Variants in RPTOR observed in about 807,000 individuals in gnomAD.
The protein encoded by RPTOR is regulatory-associated protein of mTOR.
RPTOR carries 21 observed loss-of-function variants against 169.9 expected under a neutral mutation model. The observed-to-expected ratio is 0.12, with a 90% CI of 0.09 to 0.18. RPTOR has a LOEUF of 0.18. RPTOR is among the 10% of genes least tolerant of loss of function. The pLI is 1.00. For missense variants in RPTOR, 1,133 were observed against 1,855.9 expected, an observed-to-expected ratio of 0.61 and a Z score of 7.16; for synonymous variants, 732 against 753.2, an observed-to-expected ratio of 0.97 and a Z score of 0.46.
chr17:80,863,235 G>A (rs1329365124), intron 13 of RPTOR, among the ~76,000 whole-genome samples: 1 of 152,156 alleles, frequency 6.6e-6, no homozygotes, highest in Non-Finnish European at 1.5e-5. Flanking sequence ...GCACCAAGGG[G>A]GGCACATGAA....
chr17:80,668,153 G>T (rs544511642), intron 3 of RPTOR, among the ~76,000 whole-genome samples: 4 of 152,296 alleles, frequency 2.6e-5, no homozygotes, highest in South Asian at 4.1e-4. Context: ...GCAGGCCTGA[G>T]GGGTAGCGGA....
intron 3 of RPTOR, among the ~76,000 whole-genome samples, chr17:80,648,908 T>C (rs535278071): frequency 1.2e-4 from 18 of 152,286 alleles, no homozygotes; most frequent in Non-Finnish European, 2.2e-4. Flanking sequence ...GCACGAGCTC[T>C]CTCTTGCCTG....
At chr17:80,706,261 T>C (rs1207175582) in intron 3 of RPTOR, among the ~76,000 whole-genome samples, 1 of 152,138 alleles carries the variant, frequency 6.6e-6, no homozygotes, top group Non-Finnish European at 1.5e-5. Context: ...ACACCCGTTG[T>C]TCCCCTCCCC....
intron 4 of RPTOR, among the ~76,000 whole-genome samples, chr17:80,714,359 AT>A (rs2066222353): frequency 1.3e-5 from 2 of 152,216 alleles, no homozygotes; most frequent in African/African-American, 2.4e-5. Context: ...CCCCGACTTA[AT>A]TAACATTTAT....
At chr17:80,616,238 T>C (rs2065308557) in intron 1 of RPTOR, among the ~76,000 whole-genome samples, 1 of 151,914 alleles carries the variant, frequency 6.6e-6, no homozygotes, top group Admixed American at 6.6e-5. Flanking sequence ...TGGCCCAGTG[T>C]GTTATCAAAT....
intron 20 of RPTOR, among the ~76,000 whole-genome samples, chr17:80,903,633 C>T (rs1044976814): frequency 1.3e-5 from 2 of 152,222 alleles, no homozygotes; most frequent in East Asian, 3.9e-4. Context: ...ATCCTCCCAC[C>T]TCACCTTCTT....
intron 11 of RPTOR, among the ~76,000 whole-genome samples, chr17:80,848,318 A>G (rs1384522662): frequency 6.6e-6 from 1 of 152,234 alleles, no homozygotes; most frequent in Non-Finnish European, 1.5e-5. Flanking sequence ...TTCACAGTAT[A>G]TATTTCTGCT....
At chr17:80,737,323 G>A (rs1376290167) in intron 5 of RPTOR, among the ~76,000 whole-genome samples, 5 of 152,284 alleles carry the variant, frequency 3.3e-5, no homozygotes, top group East Asian at 1.9e-4. Flanking sequence ...CCCCCATGCC[G>A]AGGTCTTTAT....
chr17:80,883,631 G>A, intron 15 of RPTOR, 147 bp downstream of exon 15: 1 of 1,185,300 alleles, frequency 8.4e-7, no homozygotes. Flanking sequence ...TTTGCAGGCT[G>A]AATATGAATC....
intron 5 of RPTOR, among the ~76,000 whole-genome samples, chr17:80,744,235 CCCTGGTTACTAGCACTGT>C (rs1567888371): frequency 3.1e-5 from 2 of 65,104 alleles, no homozygotes; most frequent in Admixed American, 1.9e-4. Flanking sequence ...ACTAGCACAG[CCCTGGTTACTAGCACTGT>C]CCTGGCTACT....
In RPTOR at chr17:80,601,555, C is replaced by T. The variant is rs11150868; in HGVS notation, c.163-24136C>T. ...CTGCTGTTGGTGAAGATGGTTCAGT[C>T]TTTTTTTTTTTTTTTTTAAATTTAT... On this transcript the variant is annotated intron_variant, in intron 1 of 33. Transcript: ENST00000306801. 6.3e-3 allele frequency among the ~76,000 whole-genome samples: 113 copies of T among 17,970 alleles called. 5 individuals carry two copies. Among genetic ancestry groups the T allele is most frequent in the Middle Eastern group, 0.038 (1 of 26 alleles). 11.8% of individuals were successfully genotyped at this position (17,970 alleles called of 152,430 possible). A position where few individuals can be genotyped will look rare whatever the true frequency, so the allele number is the denominator to read the frequency against.
rs994756455 is a variant in RPTOR, at chr17:80,803,249, G to C, written c.890+11740G>C. The C allele has an allele frequency of 6.6e-6, 1 of 152,276 alleles. No homozygotes were observed. The highest frequency in any genetic ancestry group is 1.5e-5 in the Non-Finnish European group (1 of 68,070). The allele number at this position is 152,276 out of a possible 1,614,324, so 9.4% of individuals were successfully genotyped here. A position where few individuals can be genotyped will look rare whatever the true frequency, so the allele number is the denominator to read the frequency against. On this transcript the variant is annotated intron_variant, in intron 7 of 33. Transcript: ENST00000306801. This position sits in a 1 kb window ranked among gnomAD's most constrained non-coding sequence, Gnocchi z 6.2. ...CCGGTGCTCATCACAGCCACCCGGCGAGCAGCCTCTGAGGCCATCTCCATT... is the reference window on the plus strand; with the variant it reads ...CCGGTGCTCATCACAGCCACCCGGCCAGCAGCCTCTGAGGCCATCTCCATT...
intron 1 of RPTOR, among the ~76,000 whole-genome samples, chr17:80,616,298 C>CTTTTTTTTTTTTTTTTTTTTTTTTTTT (rs201229448): frequency 8.8e-6 from 1 of 113,272 alleles, no homozygotes; most frequent in Non-Finnish European, 1.7e-5. Flanking sequence ...AATTGAAAAT[C>CTTTTTTTTTTTTTTTTTTTTTTTTTTT]TTTTTTTTTT....
In RPTOR at chr17:80,707,724, C is replaced by A; in HGVS notation, c.349-117C>A. On this transcript the variant is annotated intron_variant, in intron 3 of 33. Coordinates refer to ENST00000306801, the MANE Select transcript of RPTOR (RefSeq NM_020761.3). The surrounding 1 kb of genome is among the most constrained non-coding windows in gnomAD (Gnocchi z 5.0). ...GTTTTATAGATGGAGAAACTCAGAG[C>A]CATGTGTCCAGGACCACACAGCTAT... is the stretch of plus-strand genomic sequence containing the variant. 1.1e-6 allele frequency: 1 copy of A among 906,948 alleles called. No individual in the cohort carries two copies. The highest frequency in any genetic ancestry group is 1.6e-6 in the Non-Finnish European group (1 of 623,586). 56.2% of individuals were successfully genotyped at this position (906,948 alleles called of 1,614,324 possible). A position where few individuals can be genotyped will look rare whatever the true frequency, so the allele number is the denominator to read the frequency against.
In RPTOR at chr17:80,961,488, G is replaced by A; in HGVS notation, c.3692+8G>A. On this transcript the variant is annotated splice_region_variant and intron_variant, in intron 31 of 33. Coordinates refer to ENST00000306801, the MANE Select transcript of RPTOR (RefSeq NM_020761.3). ...CCACATCGTGAGTGTGAGGTGAGGAGCGCCGATATTTAGCAGCCGTTCTGC... is the reference window on the plus strand; with the variant it reads ...CCACATCGTGAGTGTGAGGTGAGGAACGCCGATATTTAGCAGCCGTTCTGC... 6.5e-7 allele frequency: 1 copy of A among 1,548,082 alleles called. No homozygotes were observed. The highest frequency in any genetic ancestry group is 8.7e-7 in the Non-Finnish European group (1 of 1,146,190).
intron 3 of RPTOR, among the ~76,000 whole-genome samples, chr17:80,677,362 T>C (rs1346143814): frequency 6.6e-6 from 1 of 152,238 alleles, no homozygotes; most frequent in Non-Finnish European, 1.5e-5. Flanking sequence ...CTCTCCACTC[T>C]GGAGACATTC....
At position 80,923,607 on chromosome 17, in the gene RPTOR, G is replaced by A. The variant is rs757616521; in HGVS notation, c.2742G>A (p.Ala914=). 47 of 1,612,948 alleles carry A rather than the reference G, an allele frequency of 2.9e-5. No homozygotes were observed. The highest frequency in any genetic ancestry group is 3.3e-4 in the Middle Eastern group (2 of 6,080). Residue 914 remains alanine (A), a synonymous_variant, in exon 23 of 34, where the codon GCG becomes GCA. Transcript: ENST00000306801. ...GRPGTTGPAG[A]QYTPHSHQFP... ...CGGGCACCACAGGCCCCGCTGGGGC[G>A]CAGTACACCCCTCACTCCCACCAGT... is the stretch of plus-strand genomic sequence containing the variant.
chr17:80,556,194 T>C (rs2084406366), intron 1 of RPTOR, among the ~76,000 whole-genome samples: 1 of 152,014 alleles, frequency 6.6e-6, no homozygotes, highest in Non-Finnish European at 1.5e-5. Flanking sequence ...CTCCAATCCC[T>C]CTACTCCATC....
In RPTOR at chr17:80,944,990, CAA is replaced by C. The variant is rs530408210; in HGVS notation, c.3026-660_3026-659del. ...TGGGTGACAGAGCAAGACTCCATCT[CAA>C]AAAAAAAAAAAAAAAAGACTGGCTA... On this transcript the variant is annotated intron_variant, in intron 25 of 33. Transcript: ENST00000306801. Among the ~76,000 whole-genome samples the C allele has an allele frequency of 1.4e-3, 130 of 93,006 alleles. 2 individuals carry two copies. The East Asian group carries it at 0.018, about 13-fold the overall frequency. 61.0% of individuals were successfully genotyped at this position (93,006 alleles called of 152,430 possible). A position where few individuals can be genotyped will look rare whatever the true frequency, so the allele number is the denominator to read the frequency against.
Sources: allele counts gnomAD v4.1 joint callset (sites outside exome capture counted in the v4.1 genomes callset), GRCh38; gene constraint gnomAD v4.1.1; non-coding constraint Gnocchi (gnomAD v3.1); transcripts MANE v1.5; gene names NCBI Gene and HGNC (gene_info 2026-07-23, HGNC 2026-07-21).